The following RFFL variants were observed in gnomAD, a reference collection of about 807,000 sequenced individuals.
The protein encoded by RFFL is ring finger and FYVE like domain containing E3 ubiquitin protein ligase.
Under a neutral mutation model 40.4 loss-of-function variants are expected in RFFL, and 16 were observed. The ratio of observed to expected loss-of-function variants is 0.40; its 90% CI spans 0.27 to 0.60. RFFL has a LOEUF of 0.60. RFFL is among the 20% of genes least tolerant of loss of function. The pLI, the probability that RFFL is intolerant of heterozygous loss-of-function variation, is 0.47. For synonymous variants in RFFL, 154 were observed against 167.9 expected (o/e 0.92, Z 0.64); for missense variants, 367 against 451.7 (o/e 0.81, Z 1.70).
chr17:35,046,661 T>C (rs2091201819), intron 1 of RFFL, among the ~76,000 whole-genome samples: 1 of 152,214 alleles, frequency 6.6e-6, no homozygotes, highest in Non-Finnish European at 1.5e-5. Context: ...ACATACATAA[T>C]AATCACAAGT....
intron 1 of RFFL, among the ~76,000 whole-genome samples, chr17:35,059,067 G>A (rs2091277287): frequency 1.5e-5 from 2 of 137,518 alleles, no homozygotes; most frequent in African/African-American, 5.5e-5. Context: ...CACCCAGGTT[G>A]GAGTGCAATG....
intron 1 of RFFL, chr17:35,074,027 G>C (rs2091364080): frequency 6.6e-6 from 1 of 152,152 alleles, no homozygotes; most frequent in South Asian, 2.1e-4. Flanking sequence ...GGCCCATGTA[G>C]TTTTATGAAT....
intron 1 of RFFL, among the ~76,000 whole-genome samples, chr17:35,035,706 A>G (rs532477812): frequency 2.7e-5 from 4 of 149,636 alleles, no homozygotes; most frequent in African/African-American, 7.3e-5. Flanking sequence ...TATATATATA[A>G]ATTTTTTCTT....
chr17:35,008,788 C>G lies in RFFL; in HGVS notation c.*3180G>C, dbSNP rs557474336. 6.6e-6 allele frequency: 1 copy of G among 152,150 alleles called. No individual in the cohort carries two copies. Among genetic ancestry groups the G allele is most frequent in the African/African-American group, 2.4e-5 (1 of 41,434 alleles). The allele number at this position is 152,150 out of a possible 1,614,324, so 9.4% of individuals were successfully genotyped here. A position where few individuals can be genotyped will look rare whatever the true frequency, so the allele number is the denominator to read the frequency against. On this transcript the variant is annotated 3_prime_UTR_variant, in exon 7 of 7. Coordinates refer to ENST00000394597, the MANE Select transcript of RFFL (RefSeq NM_001017368.2). ...CTGGGACTACAGGCACCCGCCACCA[C>G]GCCTGGCTAATTTTTTGTATTTTTA... is the stretch of plus-strand genomic sequence containing the variant.
rs570872571 is a variant in RFFL at position 35,008,468 on chromosome 17, C to G, written c.*3500G>C. The G allele has an allele frequency of 2.0e-5, 3 of 151,780 alleles. No homozygotes were observed. In the South Asian group the frequency reaches 6.3e-4, roughly 32 times the overall value. The allele number at this position is 151,780 out of a possible 1,614,324, so 9.4% of individuals were successfully genotyped here. ...TTTTTTTTTAATACAGGGTCTCACTCTGTCACCCTGGCTGGAGTGCGGTGG... is the reference window on the plus strand; with the variant it reads ...TTTTTTTTTAATACAGGGTCTCACTGTGTCACCCTGGCTGGAGTGCGGTGG... On this transcript the variant is annotated 3_prime_UTR_variant, in exon 7 of 7. Transcript: ENST00000394597.
At chr17:35,073,838 A>G (rs939673096) in intron 1 of RFFL, 3 of 152,112 alleles carry the variant, frequency 2.0e-5, no homozygotes, top group African/African-American at 7.2e-5. Context: ...CTCTTCTCTA[A>G]CCTAATGCTT....
intron 6 of RFFL, 71 bp from the exon 7 acceptor site, chr17:35,012,220 A>T: frequency 2.2e-6 from 3 of 1,354,458 alleles, no homozygotes; most frequent in Non-Finnish European, 3.0e-6. Context: ...TATAGGGGTG[A>T]CTGGGGGAGG....
chr17:35,046,885 A>C (rs1477228438), intron 1 of RFFL, among the ~76,000 whole-genome samples: 1 of 152,216 alleles, frequency 6.6e-6, no homozygotes, highest in Non-Finnish European at 1.5e-5. Context: ...AGAGAAACCT[A>C]CGCTTTCATT....
rs894414775 is a variant in RFFL, at chr17:35,033,267, G to C, written c.-8-6706C>G. 7.2e-5 allele frequency among the ~76,000 whole-genome samples: 11 copies of C among 151,842 alleles called. No individual in the cohort carries two copies. In the South Asian group the frequency reaches 1.5e-3, roughly 20 times the overall value. ...GATATGGCTGGGCATGGTGGCTCAT[G>C]GCTGTAATCCCAGCACTTTGGGAGG... is the stretch of plus-strand genomic sequence containing the variant. On this transcript the variant is annotated intron_variant, in intron 1 of 6. Coordinates refer to ENST00000394597, the MANE Select transcript of RFFL (RefSeq NM_001017368.2).
At chr17:35,033,225 G>A (rs551069545) in intron 1 of RFFL, among the ~76,000 whole-genome samples, 12 of 152,054 alleles carry the variant, frequency 7.9e-5, no homozygotes, top group Non-Finnish European at 1.5e-4. Context: ...AGTAAAGGCT[G>A]GAGTAGAAAA....
chr17:35,018,068 C>G (rs1345659606), intron 3 of RFFL, among the ~76,000 whole-genome samples: 1 of 151,952 alleles, frequency 6.6e-6, no homozygotes, highest in Non-Finnish European at 1.5e-5. Flanking sequence ...TTTTGTTTTT[C>G]CCAAACTGTT....
intron 1 of RFFL, among the ~76,000 whole-genome samples, chr17:35,041,168 G>A (rs939400613): frequency 3.9e-5 from 6 of 151,964 alleles, no homozygotes; most frequent in African/African-American, 1.5e-4. Flanking sequence ...GTGCTCTACC[G>A]AATTTCCAGA....
At chr17:35,047,982 C>G (rs777904276) in intron 1 of RFFL, among the ~76,000 whole-genome samples, 9 of 151,916 alleles carry the variant, frequency 5.9e-5, no homozygotes, top group Admixed American at 1.3e-4. Flanking sequence ...GAACTCCTGA[C>G]CTCAAGCAAT....
At chr17:35,042,544 G>C (rs377199673) in intron 1 of RFFL, among the ~76,000 whole-genome samples, 9 of 152,014 alleles carry the variant, frequency 5.9e-5, no homozygotes, top group Admixed American at 5.9e-4. Flanking sequence ...TTCGGTGGCC[G>C]GGCGCAGTGG....
chr17:35,013,835 C>T (rs768271578), intron 6 of RFFL, among the ~76,000 whole-genome samples: 9 of 152,176 alleles, frequency 5.9e-5, no homozygotes, highest in Non-Finnish European at 8.8e-5. Flanking sequence ...ATCTTGGTAC[C>T]GGTGATGCTG....
intron 1 of RFFL, among the ~76,000 whole-genome samples, chr17:35,035,996 C>T (rs944310101): frequency 2.6e-5 from 4 of 151,998 alleles, no homozygotes; most frequent in Non-Finnish European, 5.9e-5. Context: ...AGCACCATGC[C>T]CGGCCACTCT....
intron 6 of RFFL, 52 bp from the exon 7 acceptor site, chr17:35,012,201 T>C (rs780604887): frequency 6.5e-7 from 1 of 1,549,098 alleles, no homozygotes; most frequent in South Asian, 1.2e-5. Flanking sequence ...GAGGAGAATG[T>C]CTTAAGTGTA....
At chr17:35,053,436 A>T (rs979884061) in intron 1 of RFFL, among the ~76,000 whole-genome samples, 1 of 152,214 alleles carries the variant, frequency 6.6e-6, no homozygotes, top group African/African-American at 2.4e-5. Flanking sequence ...AAGCCAAGAA[A>T]TACTAGAGAT....
chr17:35,011,928 C>A lies in RFFL; in HGVS notation c.*40G>T. 6.3e-7 allele frequency: 1 copy of A among 1,599,468 alleles called. No homozygotes were observed. The highest frequency in any genetic ancestry group is 8.5e-7 in the Non-Finnish European group (1 of 1,170,756). On this transcript the variant is annotated 3_prime_UTR_variant, in exon 7 of 7. Transcript: ENST00000394597. ...CAACCCTGAGCCCAGACACCCCAGGCTATTTCCCTGTAAGGCACTGAAGAA... is the reference window on the plus strand; with the variant it reads ...CAACCCTGAGCCCAGACACCCCAGGATATTTCCCTGTAAGGCACTGAAGAA...
Sources: gnomAD v4.1 joint callset for allele counts (sites outside exome capture counted in the v4.1 genomes callset) on GRCh38, gnomAD v4.1.1 for gene constraint, MANE v1.5 for transcripts, NCBI Gene and HGNC (gene_info 2026-07-23, HGNC 2026-07-21) for gene names.